Variants in CDH4 observed in about 807,000 individuals in gnomAD.
CDH4 encodes cadherin-4.
Under a neutral mutation model 86.0 loss-of-function variants are expected in CDH4, and 33 were observed. That is an observed-to-expected ratio of 0.38 (90% CI 0.29 to 0.51). The LOEUF is 0.51. Among genes scored for constraint, CDH4 ranks in the 20% least tolerant of loss-of-function variants. CDH4 has a pLI of 0.86. For missense variants in CDH4, 1,114 were observed against 1,307.4 expected (o/e 0.85, Z 2.28); for synonymous variants, 555 against 549.4 (o/e 1.01, Z -0.14).
At chr20:61,375,967 G>GTGATAGTGTGGTTTGT (rs2084868504) in intron 2 of CDH4, among the ~76,000 whole-genome samples, 1 of 60,756 alleles carries the variant, frequency 1.6e-5, no homozygotes, top group Admixed American at 1.9e-4. Context: ...AGCACTGGTG[G>GTGATAGTGTGGTTTGT]TGATGGTATG....
chr20:61,354,539 G>T lies in CDH4; in HGVS notation c.169+99602G>T, dbSNP rs565733899. ...TTGAAATAAATCAAAGATGATAATT[G>T]AGGGGAGAGAGAAGAGACTTCCAGG... On this transcript the variant is annotated intron_variant, in intron 2 of 15. Transcript: ENST00000614565. Among the ~76,000 whole-genome samples, 37 of 152,326 alleles carry T rather than the reference G, an allele frequency of 2.4e-4. No individual in the cohort carries two copies. The East Asian group carries it at 6.9e-3, about 29-fold the overall frequency.
At chr20:61,706,642 A>G (rs1024892036) in intron 2 of CDH4, among the ~76,000 whole-genome samples, 2 of 152,200 alleles carry the variant, frequency 1.3e-5, no homozygotes, top group South Asian at 4.2e-4. Context: ...GACCAAAGGG[A>G]TCGGTTTCTC....
chr20:61,332,305 G>A (rs551468146), intron 2 of CDH4, among the ~76,000 whole-genome samples: 2 of 152,310 alleles, frequency 1.3e-5, no homozygotes, highest in South Asian at 4.1e-4. Flanking sequence ...TATGGATTCA[G>A]AGCTGGCCAA....
At chr20:61,755,496 CCA>C (rs1261997314) in intron 3 of CDH4, among the ~76,000 whole-genome samples, 1 of 148,294 alleles carries the variant, frequency 6.7e-6, no homozygotes, top group Non-Finnish European at 1.5e-5. Context: ...ACATCACACA[CCA>C]CACACACACA....
At chr20:61,933,916 T>G (rs1657891628) in intron 14 of CDH4, 140 bp from the exon 15 acceptor site, 1 of 917,738 alleles carries the variant, frequency 1.1e-6, no homozygotes, top group Non-Finnish European at 1.7e-6. Flanking sequence ...GGGGACAGCA[T>G]GGTTCTGTGG....
chr20:61,742,181 G>T (rs1280606101), intron 2 of CDH4, among the ~76,000 whole-genome samples: 1 of 152,138 alleles, frequency 6.6e-6, no homozygotes, highest in Non-Finnish European at 1.5e-5. Context: ...GATCCGGGGA[G>T]CCACAGCAGA....
intron 6 of CDH4, among the ~76,000 whole-genome samples, chr20:61,854,062 G>A (rs80166412): frequency 0.026 from 3,903 of 152,282 alleles, 83 homozygotes; most frequent in Non-Finnish European, 0.042. Context: ...TTAATGGGGT[G>A]TCCTGTATTT....
chr20:61,867,940 G>A (rs1328135713), intron 6 of CDH4, among the ~76,000 whole-genome samples: 1 of 152,194 alleles, frequency 6.6e-6, no homozygotes, highest in Non-Finnish European at 1.5e-5. Flanking sequence ...TTCTCTGTGA[G>A]GAAGACATTC....
chr20:61,842,605 A>G (rs557316743), intron 4 of CDH4, among the ~76,000 whole-genome samples: 53 of 152,372 alleles, frequency 3.5e-4, no homozygotes, highest in African/African-American at 1.2e-3. Context: ...CATAACATAT[A>G]GAGAAGAAAA....
At position 61,653,297 on chromosome 20, in the gene CDH4, T is replaced by A. The variant is rs531679139; in HGVS notation, c.170-90266T>A. ...GGATCCCAAGGCAGAAGAATTTTTCTTAGTACAGAACAAAATGAAAAGTCT... is the reference window on the plus strand; with the variant it reads ...GGATCCCAAGGCAGAAGAATTTTTCATAGTACAGAACAAAATGAAAAGTCT... On this transcript the variant is annotated intron_variant, in intron 2 of 15. Transcript: ENST00000614565. 3.5e-3 allele frequency among the ~76,000 whole-genome samples: 465 copies of A among 134,722 alleles called. 1 individual carries two copies. The highest frequency in any genetic ancestry group is 5.7e-3 in the Non-Finnish European group (341 of 59,750). The allele number at this position is 134,722 out of a possible 152,430, so 88.4% of individuals were successfully genotyped here.
intron 4 of CDH4, among the ~76,000 whole-genome samples, chr20:61,779,340 C>A (rs1468515088): frequency 6.6e-6 from 1 of 152,134 alleles, no homozygotes; most frequent in African/African-American, 2.4e-5. Context: ...ACCCTCGGGC[C>A]CCCCTGCCAG....
rs1421735528 is a variant in CDH4, at chr20:61,463,570, T to A, written c.169+208633T>A. On this transcript the variant is annotated intron_variant, in intron 2 of 15. Coordinates refer to ENST00000614565, the MANE Select transcript of CDH4 (RefSeq NM_001794.5). ...CAGGGCACTGTGGTTCCCCACCCAA[T>A]CAGTCAGGAGTGAAGACAATGGCTT... 2.0e-5 allele frequency among the ~76,000 whole-genome samples: 3 copies of A among 152,158 alleles called. No individual in the cohort carries two copies. The East Asian group carries it at 5.8e-4, about 29-fold the overall frequency.
chr20:61,898,252 A>C (rs1438701758), intron 8 of CDH4, among the ~76,000 whole-genome samples: 1 of 152,366 alleles, frequency 6.6e-6, no homozygotes, highest in Non-Finnish European at 1.5e-5. Context: ...AATCAAGAAC[A>C]ATCAGCAGAA....
intron 2 of CDH4, among the ~76,000 whole-genome samples, chr20:61,573,637 G>A (rs2086361702): frequency 6.6e-6 from 1 of 152,084 alleles, no homozygotes; most frequent in African/African-American, 2.4e-5. Flanking sequence ...GCAGCACAGT[G>A]GCCCTGATGT....
chr20:61,441,084 G>A (rs1196620150), intron 2 of CDH4, among the ~76,000 whole-genome samples: 1 of 152,214 alleles, frequency 6.6e-6, no homozygotes, highest in African/African-American at 2.4e-5. Flanking sequence ...CCATTTCAGA[G>A]CAGAGATGAC....
At chr20:61,580,479 T>A (rs1474803946) in intron 2 of CDH4, among the ~76,000 whole-genome samples, 1 of 151,580 alleles carries the variant, frequency 6.6e-6, no homozygotes, top group African/African-American at 2.4e-5. Flanking sequence ...AAATAAAACC[T>A]CTACTTTAAA....
intron 2 of CDH4, among the ~76,000 whole-genome samples, chr20:61,636,951 A>G (rs1210872119): frequency 6.6e-6 from 1 of 152,172 alleles, no homozygotes; most frequent in Non-Finnish European, 1.5e-5. Flanking sequence ...CAAAGACTGC[A>G]GCAGCCTCTG....
chr20:61,387,763 T>G (rs1366429018), intron 2 of CDH4, among the ~76,000 whole-genome samples: 1 of 152,174 alleles, frequency 6.6e-6, no homozygotes, highest in East Asian at 1.9e-4. Flanking sequence ...TTTTAATCAC[T>G]CCACGGTGAA....
At chr20:61,272,216 A>G (rs918630422) in intron 2 of CDH4, among the ~76,000 whole-genome samples, 2 of 152,154 alleles carry the variant, frequency 1.3e-5, no homozygotes, top group South Asian at 4.1e-4. Context: ...AGGATTCTGG[A>G]AGGATATCAA....
Sources: allele counts gnomAD v4.1 joint callset (sites outside exome capture counted in the v4.1 genomes callset), GRCh38; gene constraint gnomAD v4.1.1; transcripts MANE v1.5; gene names NCBI Gene and HGNC (gene_info 2026-07-23, HGNC 2026-07-21).